FOXP1: variants seen among roughly 807,000 people sequenced by gnomAD.
The protein encoded by FOXP1 is forkhead box P1, also known as forkhead box protein P1.
A neutral mutation model predicts 98.2 loss-of-function variants in FOXP1; 15 were observed. That is an observed-to-expected ratio of 0.15 (90% CI 0.10 to 0.24). FOXP1 has a LOEUF of 0.24. Among genes scored for constraint, FOXP1 ranks in the 10% least tolerant of loss-of-function variants. The probability of loss-of-function intolerance (pLI) is 1.00; values close to 1 mark genes in which losing one functional copy is unlikely to be tolerated. For missense variants in FOXP1, 633 were observed against 848.5 expected, an observed-to-expected ratio of 0.75 and a Z score of 3.15; for synonymous variants, 371 against 314.5, an observed-to-expected ratio of 1.18 and a Z score of -1.90.
At chr3:70,985,990 A>G (rs2039664411) in intron 14 of FOXP1, among the ~76,000 whole-genome samples, 1 of 152,220 alleles carries the variant, frequency 6.6e-6, no homozygotes, top group Non-Finnish European at 1.5e-5. Context: ...CTTCTAATAA[A>G]GAAATACTGT....
At chr3:71,415,263 G>GA (rs1382088184) in intron 3 of FOXP1, among the ~76,000 whole-genome samples, 1 of 152,066 alleles carries the variant, frequency 6.6e-6, no homozygotes, top group Non-Finnish European at 1.5e-5. Flanking sequence ...AAAATCCCAT[G>GA]AAAAAACACT....
intron 6 of FOXP1, among the ~76,000 whole-genome samples, chr3:71,186,308 T>C (rs988216617): frequency 6.6e-6 from 1 of 152,238 alleles, no homozygotes; most frequent in Non-Finnish European, 1.5e-5. Context: ...GTCAAAACTT[T>C]TATCTTGTAA....
chr3:71,178,333 A>G (rs1283816414), intron 6 of FOXP1, among the ~76,000 whole-genome samples: 1 of 150,724 alleles, frequency 6.6e-6, no homozygotes, highest in Non-Finnish European at 1.5e-5. Flanking sequence ...GCGGGGTTTC[A>G]CCATGTTGGC....
chr3:71,047,763 C>T (rs1360264688), intron 9 of FOXP1, among the ~76,000 whole-genome samples: 4 of 152,198 alleles, frequency 2.6e-5, no homozygotes, highest in Non-Finnish European at 5.9e-5. Flanking sequence ...CTTAACATGG[C>T]TTTAGTCTCA....
chr3:71,147,041 C>T (rs1227882030), intron 6 of FOXP1, among the ~76,000 whole-genome samples: 1 of 152,244 alleles, frequency 6.6e-6, no homozygotes, highest in Non-Finnish European at 1.5e-5. Flanking sequence ...AGCATTTACT[C>T]TGGATGCCTA....
intron 3 of FOXP1, among the ~76,000 whole-genome samples, chr3:71,431,925 T>A (rs1449636159): frequency 6.6e-6 from 1 of 152,202 alleles, no homozygotes; most frequent in South Asian, 2.1e-4. Flanking sequence ...AACACCATCA[T>A]ATGTGCAATT....
intron 5 of FOXP1, among the ~76,000 whole-genome samples, chr3:71,242,934 C>G (rs180722974): frequency 1.5e-4 from 23 of 152,098 alleles, no homozygotes; most frequent in Middle Eastern, 3.2e-3. Context: ...AAATTATGTG[C>G]CTTTCAAGGT....
chr3:71,505,415 C>CTT (rs66459828), intron 2 of FOXP1, among the ~76,000 whole-genome samples: 385 of 82,066 alleles, frequency 4.7e-3, no homozygotes, highest in East Asian at 0.014. Context: ...AAGAGGGATG[C>CTT]TTTTTTTTTT....
At chr3:71,495,446 A>C (rs2091337925) in intron 2 of FOXP1, among the ~76,000 whole-genome samples, 1 of 152,236 alleles carries the variant, frequency 6.6e-6, no homozygotes. Context: ...TTTCAGAAAA[A>C]TGCCCAGCTC....
At chr3:71,357,136 C>T (rs1226056856) in intron 4 of FOXP1, among the ~76,000 whole-genome samples, 4 of 152,154 alleles carry the variant, frequency 2.6e-5, no homozygotes, top group Non-Finnish European at 4.4e-5. Context: ...GTCCCCTGCC[C>T]ATATAGGGGG....
intron 2 of FOXP1, among the ~76,000 whole-genome samples, chr3:71,540,954 A>G (rs13059691): frequency 0.63 from 95,964 of 152,108 alleles, 31,742 homozygotes; most frequent in African/African-American, 0.69. Flanking sequence ...CAAAAAGGTT[A>G]CAAATATCTT....
intron 4 of FOXP1, among the ~76,000 whole-genome samples, chr3:71,327,431 A>G (rs2075758947): frequency 2.5e-5 from 1 of 40,816 alleles, no homozygotes; most frequent in Non-Finnish European, 6.3e-5. Flanking sequence ...TCTGTCACCC[A>G]GGCTGGAGTG....
intron 7 of FOXP1, among the ~76,000 whole-genome samples, chr3:71,075,297 C>T (rs749707955): frequency 6.6e-6 from 1 of 152,216 alleles, no homozygotes; most frequent in African/African-American, 2.4e-5. Flanking sequence ...TAAAACAGAT[C>T]AGTGGCTGGC....
At chr3:71,313,476 A>G (rs1265157522) in intron 4 of FOXP1, among the ~76,000 whole-genome samples, 2 of 152,186 alleles carry the variant, frequency 1.3e-5, no homozygotes, top group African/African-American at 2.4e-5. Context: ...AAGTTAGGAA[A>G]GAATTTTTAT....
At chr3:71,003,511 CAAGAAT>C (rs2042377290) in intron 12 of FOXP1, among the ~76,000 whole-genome samples, 1 of 151,190 alleles carries the variant, frequency 6.6e-6, no homozygotes, top group African/African-American at 2.4e-5. Flanking sequence ...CAAAGGACAA[CAAGAAT>C]AAGAAAGATG....
chr3:71,254,562 C>T (rs997139478), intron 5 of FOXP1, among the ~76,000 whole-genome samples: 2 of 152,224 alleles, frequency 1.3e-5, no homozygotes, highest in African/African-American at 4.8e-5. Flanking sequence ...AAAAGTCCCT[C>T]TAGTCCGACT....
chr3:71,060,064 T>C (rs145649495), intron 7 of FOXP1, among the ~76,000 whole-genome samples: 5 of 152,308 alleles, frequency 3.3e-5, no homozygotes, highest in African/African-American at 1.2e-4. Context: ...TTTGTAGCTC[T>C]GCTTTCTCAT....
chr3:71,232,906 ATGGG>A (rs2066437492), intron 5 of FOXP1, among the ~76,000 whole-genome samples: 1 of 148,942 alleles, frequency 6.7e-6, no homozygotes, highest in Non-Finnish European at 1.5e-5. Context: ...AGCAAGAAAA[ATGGG>A]GACCAGGTGC....
intron 2 of FOXP1, among the ~76,000 whole-genome samples, chr3:71,525,287 G>A (rs1263134073): frequency 1.3e-5 from 2 of 152,152 alleles, no homozygotes; most frequent in Admixed American, 1.3e-4. Flanking sequence ...TGAATGAAAC[G>A]CCTATTCCTC....
Sources: gnomAD v4.1 joint callset for allele counts (sites outside exome capture counted in the v4.1 genomes callset) on GRCh38, gnomAD v4.1.1 for gene constraint, MANE v1.5 for transcripts, NCBI Gene and HGNC (gene_info 2026-07-23, HGNC 2026-07-21) for gene names.